FAM200B: variants seen among roughly 807,000 people sequenced by gnomAD.
The protein encoded by FAM200B is protein FAM200B.
A neutral mutation model predicts 33.1 loss-of-function variants in FAM200B; 32 were observed. That is an observed-to-expected ratio of 0.97 (90% CI 0.73 to 1.30). The LOEUF (loss-of-function observed/expected upper bound fraction) is 1.30, where lower values mean the gene tolerates loss of function less well. Among genes scored for constraint, FAM200B ranks in the 50% most tolerant of loss-of-function variants. The pLI, the probability that FAM200B is intolerant of heterozygous loss-of-function variation, is 0.00. For synonymous variants in FAM200B, 240 were observed against 264.8 expected (o/e 0.91, Z 0.91); for missense variants, 741 against 754.0 (o/e 0.98, Z 0.20).
the FAM200B span, among the ~76,000 whole-genome samples, chr4:15,654,717 T>C: frequency 6.6e-6 from 1 of 151,656 alleles, no homozygotes; most frequent in Non-Finnish European, 1.5e-5. Flanking sequence ...CAGCGAGAGG[T>C]GCAGAGGATG....
the FAM200B span, among the ~76,000 whole-genome samples, chr4:15,667,858 G>A: frequency 0.63 from 95,454 of 151,690 alleles, 30,137 homozygotes; most frequent in Non-Finnish European, 0.65. Flanking sequence ...CCTGACCAAC[G>A]TGGAGAAACC....
chr4:15,639,629 T>C, the FAM200B span, among the ~76,000 whole-genome samples: 3 of 152,202 alleles, frequency 2.0e-5, no homozygotes, highest in Non-Finnish European at 4.4e-5. Context: ...CCACAGATAA[T>C]TGTGATGGAT....
At chr4:15,641,581 T>G in the FAM200B span, 1 of 457,376 alleles carries the variant, frequency 2.2e-6, no homozygotes, top group Non-Finnish European at 4.4e-6. Flanking sequence ...TAATTGTTAT[T>G]CGATTGTTTT....
the FAM200B span, among the ~76,000 whole-genome samples, chr4:15,644,926 G>A: frequency 2.0e-5 from 3 of 152,126 alleles, no homozygotes; most frequent in Admixed American, 6.6e-5. Flanking sequence ...TGGAGGGCCT[G>A]GTGACACAGA....
At chr4:15,639,285 C>G in the FAM200B span, among the ~76,000 whole-genome samples, 2 of 152,234 alleles carry the variant, frequency 1.3e-5, no homozygotes, top group African/African-American at 4.8e-5. Context: ...ATTTGTCACT[C>G]TTAATCATTC....
the FAM200B span, among the ~76,000 whole-genome samples, chr4:15,654,347 A>G: frequency 2.6e-5 from 4 of 152,232 alleles, no homozygotes; most frequent in African/African-American, 9.6e-5. Flanking sequence ...TGGAATGTTA[A>G]TATTGTTTTA....
the FAM200B span, among the ~76,000 whole-genome samples, chr4:15,655,624 G>C: frequency 6.6e-6 from 1 of 152,208 alleles, no homozygotes. Context: ...GTAGGGGAAA[G>C]TCGTTGCAGT....
chr4:15,666,015 CCTT>C, the FAM200B span, among the ~76,000 whole-genome samples: 2 of 138,922 alleles, frequency 1.4e-5, no homozygotes, highest in Non-Finnish European at 1.6e-5. Flanking sequence ...CTACTGACAA[CCTT>C]TTTTTAAAAA....
chr4:15,654,727 G>C, the FAM200B span, among the ~76,000 whole-genome samples: 1 of 152,224 alleles, frequency 6.6e-6, no homozygotes, highest in African/African-American at 2.4e-5. Context: ...TGCAGAGGAT[G>C]GGTGGGTGTC....
the FAM200B span, among the ~76,000 whole-genome samples, chr4:15,643,258 C>T: frequency 6.6e-6 from 1 of 152,146 alleles, no homozygotes; most frequent in African/African-American, 2.4e-5. Context: ...TTAGTCTTTT[C>T]TTTATCTTTA....
chr4:15,644,679 G>A, the FAM200B span: 7 of 1,609,042 alleles, frequency 4.4e-6, no homozygotes, highest in Admixed American at 5.1e-5. Flanking sequence ...CACGGAAATC[G>A]TTGTTGTTGG....
At chr4:15,677,684 C>T (rs970845033), upstream of FAM200B, among the ~76,000 whole-genome samples, 7 of 152,178 alleles carry the variant, frequency 4.6e-5, no homozygotes, top group Non-Finnish European at 5.9e-5. Context: ...CCTCTGTCCT[C>T]CATACCTTCC....
At chr4:15,683,660 T>A (rs1718563991) in intron 1 of FAM200B, among the ~76,000 whole-genome samples, 1 of 152,192 alleles carries the variant, frequency 6.6e-6, no homozygotes. Flanking sequence ...ACATGTATGT[T>A]TTTATAGGAT....
At chr4:15,663,069 G>A in the FAM200B span, among the ~76,000 whole-genome samples, 3 of 152,030 alleles carry the variant, frequency 2.0e-5, no homozygotes, top group Admixed American at 2.0e-4. Context: ...CAAAATAAAA[G>A]GAATGCTATT....
the FAM200B span, among the ~76,000 whole-genome samples, chr4:15,663,602 G>C: frequency 2.6e-5 from 4 of 152,298 alleles, no homozygotes; most frequent in East Asian, 7.7e-4. Flanking sequence ...TCACTCATCT[G>C]TGAAATGGAA....
At position 15,688,179 on chromosome 4, in the gene FAM200B, T is replaced by C. The variant is rs767436792; in HGVS notation, c.1202T>C (p.Leu401Pro). ...AAAATACTAAGCAGGGTTTATGAGCTCAGGAATGAGATTCACTTTTTTCTC... is the reference window on the plus strand; with the variant it reads ...AAAATACTAAGCAGGGTTTATGAGCCCAGGAATGAGATTCACTTTTTTCTC... ...QGKILSRVYE[L>P]RNEIHFFLIE... Residue 401 changes from leucine to proline, a missense_variant, in exon 2 of 2, where the codon CTC (leucine) becomes CCC (proline). Physicochemically the swap from Leu to Pro is moderately conservative, Grantham distance 98. Coordinates refer to ENST00000422728, the MANE Select transcript of FAM200B (RefSeq NM_001145191.2). 1.3e-6 allele frequency: 2 copies of C among 1,551,256 alleles called. No individual in the cohort carries two copies. The highest frequency in any genetic ancestry group is 2.4e-5 in the South Asian group (2 of 84,052).
At chr4:15,655,694 C>G in the FAM200B span, among the ~76,000 whole-genome samples, 3 of 152,218 alleles carry the variant, frequency 2.0e-5, no homozygotes, top group African/African-American at 7.2e-5. Flanking sequence ...GGAGAGGCAG[C>G]CAAGCACAAT....
the FAM200B span, among the ~76,000 whole-genome samples, chr4:15,649,711 A>T: frequency 6.6e-6 from 1 of 152,138 alleles, no homozygotes; most frequent in African/African-American, 2.4e-5. Flanking sequence ...GGAGAAAAAA[A>T]ACCTGGACAC....
At chr4:15,682,030 A>G (rs1718340667) in intron 1 of FAM200B, 129 bp downstream of exon 1, 1 of 152,360 alleles carries the variant, frequency 6.6e-6, no homozygotes, top group Admixed American at 6.5e-5. Context: ...AGGTGAGAGC[A>G]GAAGCAATCC....
Sources: gnomAD v4.1 joint callset for allele counts (sites outside exome capture counted in the v4.1 genomes callset) on GRCh38, gnomAD v4.1.1 for gene constraint, MANE v1.5 for transcripts, NCBI Gene and HGNC (gene_info 2026-07-23, HGNC 2026-07-21) for gene names.